F13A1: variants seen among roughly 807,000 people sequenced by gnomAD.
F13A1 encodes the protein FSF, A subunit.
In F13A1, 47 loss-of-function variants were observed where a neutral mutation model predicts 80.1. The ratio of observed to expected loss-of-function variants is 0.59; its 90% CI spans 0.46 to 0.75. F13A1 has a LOEUF of 0.75. Ranked by LOEUF, F13A1 falls within the 30% of genes least tolerant of loss-of-function variation. The pLI is 0.00. For synonymous variants in F13A1, 349 were observed against 344.9 expected (o/e 1.01, Z -0.13); for missense variants, 817 against 930.4 (o/e 0.88, Z 1.59).
At chr6:6,309,323 G>A (rs541613214) in intron 2 of F13A1, among the ~76,000 whole-genome samples, 2 of 152,068 alleles carry the variant, frequency 1.3e-5, no homozygotes, top group Non-Finnish European at 2.9e-5. Flanking sequence ...AGAACTGAGG[G>A]GAGTATCAGG....
chr6:6,222,618 G>A (rs1298799810), intron 7 of F13A1, among the ~76,000 whole-genome samples: 1 of 152,206 alleles, frequency 6.6e-6, no homozygotes, highest in East Asian at 1.9e-4. Flanking sequence ...ATTGGTGGGT[G>A]ACACCACAGA....
chr6:6,312,617 G>A (rs539623200), intron 2 of F13A1, among the ~76,000 whole-genome samples: 3 of 134,484 alleles, frequency 2.2e-5, no homozygotes, highest in African/African-American at 8.8e-5. Flanking sequence ...GGTGGAGCTT[G>A]CAGTGAGCCG....
chr6:6,159,123 G>A (rs1414758397), intron 13 of F13A1, among the ~76,000 whole-genome samples: 4 of 151,964 alleles, frequency 2.6e-5, no homozygotes, highest in Non-Finnish European at 4.4e-5. Flanking sequence ...GGATGGTCTC[G>A]ATCTCCTGAC....
intron 12 of F13A1, 42 bp downstream of exon 12, chr6:6,174,538 A>G: frequency 6.2e-7 from 1 of 1,608,034 alleles, no homozygotes. Flanking sequence ...GACAGGGGCC[A>G]GACAGCGAGT....
At chr6:6,314,680 TTTTA>T (rs1384776537) in intron 2 of F13A1, among the ~76,000 whole-genome samples, 11 of 152,230 alleles carry the variant, frequency 7.2e-5, no homozygotes, top group Admixed American at 7.2e-4. Context: ...TGCAATGATC[TTTTA>T]TTTATTTTGT....
intron 13 of F13A1, among the ~76,000 whole-genome samples, chr6:6,166,276 C>T (rs955530930): frequency 6.6e-6 from 1 of 152,190 alleles, no homozygotes; most frequent in Non-Finnish European, 1.5e-5. Flanking sequence ...GCTTTAAGAA[C>T]AGCGTCTGGA....
chr6:6,163,335 T>TA (rs1390057175), intron 13 of F13A1, among the ~76,000 whole-genome samples: 1 of 152,236 alleles, frequency 6.6e-6, no homozygotes, highest in Non-Finnish European at 1.5e-5. Flanking sequence ...TCCTCATTTT[T>TA]AAAAAACCTT....
intron 3 of F13A1, among the ~76,000 whole-genome samples, chr6:6,299,141 T>G (rs1758380179): frequency 7.0e-6 from 1 of 142,374 alleles, no homozygotes; most frequent in Non-Finnish European, 1.5e-5. Context: ...TGGGCTTCCC[T>G]TTGAGGGTAA....
chr6:6,303,874 G>A (rs73718716), intron 3 of F13A1, among the ~76,000 whole-genome samples: 2,151 of 152,070 alleles, frequency 0.014, 43 homozygotes, highest in African/African-American at 0.05. Context: ...TTAGTGCTGG[G>A]GAAGATAAAA....
chr6:6,299,048 CT>C (rs1357881510), intron 3 of F13A1, among the ~76,000 whole-genome samples: 5 of 147,062 alleles, frequency 3.4e-5, no homozygotes, highest in African/African-American at 1.1e-4. Flanking sequence ...GTTGAAAATT[CT>C]TTTCTTTAAG....
intron 2 of F13A1, among the ~76,000 whole-genome samples, chr6:6,315,952 G>A (rs1758673988): frequency 6.6e-6 from 1 of 150,638 alleles, no homozygotes; most frequent in East Asian, 2.0e-4. Context: ...GTGACTTGGA[G>A]AAAACTTGAT....
At chr6:6,154,223 C>T (rs923891109) in intron 13 of F13A1, among the ~76,000 whole-genome samples, 5 of 151,076 alleles carry the variant, frequency 3.3e-5, no homozygotes, top group Non-Finnish European at 5.9e-5. Context: ...TTTGAAGCCA[C>T]ACTGACAAGA....
chr6:6,223,618 T>A (rs553125384), intron 7 of F13A1, among the ~76,000 whole-genome samples: 24 of 152,252 alleles, frequency 1.6e-4, no homozygotes, highest in African/African-American at 5.8e-4. Flanking sequence ...TATATTTAAA[T>A]GGCTAAGAAA....
intron 4 of F13A1, among the ~76,000 whole-genome samples, chr6:6,261,574 G>A: frequency 6.6e-6 from 1 of 152,268 alleles, no homozygotes; most frequent in Non-Finnish European, 1.5e-5. Flanking sequence ...AGAAGTGGCT[G>A]AACAAGCCCT....
chr6:6,186,381 T>C (rs902465875), intron 10 of F13A1, among the ~76,000 whole-genome samples: 7 of 152,332 alleles, frequency 4.6e-5, no homozygotes, highest in African/African-American at 1.7e-4. Flanking sequence ...CTTTAATCCA[T>C]CTTGAATTGA....
intron 6 of F13A1, among the ~76,000 whole-genome samples, chr6:6,238,163 T>C (rs763731458): frequency 7.9e-5 from 12 of 152,224 alleles, no homozygotes; most frequent in Non-Finnish European, 1.6e-4. Flanking sequence ...TCCATACTCA[T>C]GTAGACATTT....
intron 10 of F13A1, among the ~76,000 whole-genome samples, chr6:6,184,342 A>G (rs1392636583): frequency 6.6e-6 from 1 of 151,960 alleles, no homozygotes; most frequent in Non-Finnish European, 1.5e-5. Context: ...TTCCCACACC[A>G]CCCTGCGGGA....
chr6:6,216,214 G>A lies in F13A1; in HGVS notation c.1112+5819C>T, dbSNP rs577412083. 4.6e-3 allele frequency among the ~76,000 whole-genome samples: 702 copies of A among 152,086 alleles called. 5 individuals carry two copies. Among genetic ancestry groups the A allele is most frequent in the African/African-American group, 0.015 (630 of 41,474 alleles). Reference sequence around the variant, plus strand: ...ATGGAACCAAAAGAGAGCCTGCATCGCCAAGTCAATCCTAAGCCAAAAGAA... The same window carrying A: ...ATGGAACCAAAAGAGAGCCTGCATCACCAAGTCAATCCTAAGCCAAAAGAA... On this transcript the variant is annotated intron_variant, in intron 8 of 14. Coordinates refer to ENST00000264870, the MANE Select transcript of F13A1 (RefSeq NM_000129.4).
At chr6:6,199,716 A>G (rs1319788932) in intron 8 of F13A1, among the ~76,000 whole-genome samples, 1 of 152,182 alleles carries the variant, frequency 6.6e-6, no homozygotes, top group East Asian at 1.9e-4. Flanking sequence ...GGCTATAAAA[A>G]GCCATTGGAA....
Sources: allele counts gnomAD v4.1 joint callset (sites outside exome capture counted in the v4.1 genomes callset), GRCh38; gene constraint gnomAD v4.1.1; transcripts MANE v1.5; gene names NCBI Gene and HGNC (gene_info 2026-07-23, HGNC 2026-07-21).